Variants in KDM2B observed in about 807,000 individuals in gnomAD.
KDM2B encodes the protein lysine demethylase 2B.
In KDM2B, 26 loss-of-function variants were observed where a neutral mutation model predicts 150.0. The ratio of observed to expected loss-of-function variants is 0.17; its 90% CI spans 0.13 to 0.24. The LOEUF is 0.24. Ranked by LOEUF, KDM2B falls within the 10% of genes least tolerant of loss-of-function variation. The probability of loss-of-function intolerance (pLI) is 1.00; values close to 1 mark genes in which losing one functional copy is unlikely to be tolerated. For missense variants in KDM2B, 1,265 were observed against 1,816.9 expected, an observed-to-expected ratio of 0.70 and a Z score of 5.52; for synonymous variants, 734 against 729.5, an observed-to-expected ratio of 1.01 and a Z score of -0.10.
rs1566303434 is a variant in KDM2B, at chr12:121,467,698, T to TG, written c.1735-14355dup. The TG allele has an allele frequency of 1.3e-5, 2 of 150,956 alleles. No homozygotes were observed. Among genetic ancestry groups the TG allele is most frequent in the African/African-American group, 4.9e-5 (2 of 40,934 alleles). 9.4% of individuals were successfully genotyped at this position (150,956 alleles called of 1,614,324 possible). On this transcript the variant is annotated intron_variant, in intron 12 of 22. Coordinates refer to ENST00000377071, the MANE Select transcript of KDM2B (RefSeq NM_032590.5). The surrounding 1 kb of genome is among the most constrained non-coding windows in gnomAD (Gnocchi z 5.1). ...TGCAACAGGAAATGCGCGCCCGGCC[T>TG]GGGGTGGGGTCCTTTGTGTGGTCCC...
Position 121,520,867 on chromosome 12 carries a change from G to T in KDM2B, c.1047+118C>A. The T allele has an allele frequency of 1.5e-6, 1 of 657,238 alleles. No homozygotes were observed. The allele number at this position is 657,238 out of a possible 1,614,324, so 40.7% of individuals were successfully genotyped here. On this transcript the variant is annotated intron_variant, in intron 9 of 22. Coordinates refer to ENST00000377071, the MANE Select transcript of KDM2B (RefSeq NM_032590.5). The surrounding 1 kb of genome is among the most constrained non-coding windows in gnomAD (Gnocchi z 4.5). ...CCAGGACTGAAGCCAGCTTGAGAGA[G>T]GAATCGGGAGGGAGAGGGGAACTGT...
chr12:121,466,997 G>T (rs1221461920), intron 12 of KDM2B, among the ~76,000 whole-genome samples: 1 of 148,388 alleles, frequency 6.7e-6, no homozygotes, highest in African/African-American at 2.4e-5. Flanking sequence ...GCTCCTCTAC[G>T]CCCCGCTCGG....
chr12:121,489,808 C>A (rs1353953668), intron 12 of KDM2B, among the ~76,000 whole-genome samples: 1 of 152,144 alleles, frequency 6.6e-6, no homozygotes, highest in Non-Finnish European at 1.5e-5. Flanking sequence ...ACGTCAAGTG[C>A]GGGGGCCAGG....
the KDM2B span, among the ~76,000 whole-genome samples, chr12:121,413,119 C>A: frequency 5.5e-5 from 8 of 145,786 alleles, no homozygotes; most frequent in Non-Finnish European, 8.9e-5. Context: ...TCCGCCTCCC[C>A]GGTTCAAGCG....
Position 121,468,535 on chromosome 12 carries a change from AC to A in KDM2B, c.1735-15192del, listed in dbSNP as rs1394286507. ...TCCATCTATACAAGGGGAAGGATTT[AC>A]CAAGGGATGGATAACCTTCTGTAAA... On this transcript the variant is annotated intron_variant, in intron 12 of 22. Coordinates refer to ENST00000377071, the MANE Select transcript of KDM2B (RefSeq NM_032590.5). This position sits in a 1 kb window ranked among gnomAD's most constrained non-coding sequence, Gnocchi z 4.0. 3 of 152,264 alleles carry A rather than the reference AC, an allele frequency of 2.0e-5. No homozygotes were observed. The highest frequency in any genetic ancestry group is 4.4e-5 in the Non-Finnish European group (3 of 68,066). The allele number at this position is 152,264 out of a possible 1,614,324, so 9.4% of individuals were successfully genotyped here. A position where few individuals can be genotyped will look rare whatever the true frequency, so the allele number is the denominator to read the frequency against.
At chr12:121,516,538 A>G in intron 9 of KDM2B, 1 of 1,434,640 alleles carries the variant, frequency 7.0e-7, no homozygotes, top group Non-Finnish European at 9.1e-7. Flanking sequence ...CATTAAACAT[A>G]CGGTTGCTCA....
rs781889965 is a variant in KDM2B, at chr12:121,509,724, G to A, written c.1490C>T (p.Ser497Phe). 1 of 1,614,152 alleles carries A rather than the reference G, an allele frequency of 6.2e-7. No homozygotes were observed. Among genetic ancestry groups the A allele is most frequent in the Non-Finnish European group, 8.5e-7 (1 of 1,180,042 alleles). The change falls in exon 11 of 23, where the codon TCT becomes TTT. Residue 497 changes from serine (S) to phenylalanine (F), a missense_variant. Ser to Phe is a radical substitution (Grantham distance 155). This residue lies in a region of KDM2B where 154 missense variants were observed against 162.5 expected (regional missense o/e 0.95). Coordinates refer to ENST00000377071, the MANE Select transcript of KDM2B (RefSeq NM_032590.5). ...TTTGGCAGAGACCTCCGTGGCGGGA[G>A]AGCCGGTGGGGGTCTTGGGGTAGTC... The part of the protein sequence containing the change: ...AVDYPKTPTG[S>F]PATEVSAKWT...
chr12:121,459,320 T>A (rs1290389269), intron 12 of KDM2B, among the ~76,000 whole-genome samples: 1 of 152,092 alleles, frequency 6.6e-6, no homozygotes, highest in Admixed American at 6.6e-5. Context: ...CGAATAGCTA[T>A]CCACAAGCAA....
chr12:121,510,068 G>T, intron 10 of KDM2B, 29 bp from the exon 11 acceptor site: 1 of 1,510,038 alleles, frequency 6.6e-7, no homozygotes, highest in South Asian at 1.3e-5. Context: ...AAGAAAGACC[G>T]AGATGACACC....
At position 121,441,469 on chromosome 12, in the gene KDM2B, G is replaced by A. The variant is rs140612955; in HGVS notation, c.3285-236C>T. 8.0e-3 allele frequency among the ~76,000 whole-genome samples: 1,210 copies of A among 152,194 alleles called. 16 individuals are homozygous for A. Among genetic ancestry groups the A allele is most frequent in the African/African-American group, 0.025 (1,054 of 41,528 alleles). On this transcript the variant is annotated intron_variant, in intron 19 of 22. Transcript: ENST00000377071. The stretch of plus-strand genomic sequence containing the variant: ...TATGTATGTATTAAGACGGAGTCTC[G>A]CTCTGTTCCCAGGCTGGTGTGTAGT...
At chr12:121,493,152 C>T (rs1883545978) in intron 12 of KDM2B, among the ~76,000 whole-genome samples, 1 of 146,352 alleles carries the variant, frequency 6.8e-6, no homozygotes, top group African/African-American at 2.6e-5. Flanking sequence ...AGGTGATCCT[C>T]CCCCCTCAGC....
chr12:121,408,962 A>C, the KDM2B span, among the ~76,000 whole-genome samples: 34 of 151,712 alleles, frequency 2.2e-4, 1 homozygote, highest in East Asian at 4.4e-3. Flanking sequence ...ATTGTTAAAA[A>C]CTCAGGTGAC....
intron 4 of KDM2B, among the ~76,000 whole-genome samples, chr12:121,564,633 C>G (rs1351716763): frequency 6.6e-6 from 1 of 152,042 alleles, no homozygotes; most frequent in Admixed American, 6.6e-5. Flanking sequence ...AAAAACCCTA[C>G]AAATCAACGG....
At chr12:121,507,790 C>A (rs11065605) in intron 11 of KDM2B, among the ~76,000 whole-genome samples, 10,329 of 152,052 alleles carry the variant, frequency 0.068, 907 homozygotes, top group East Asian at 0.23. Context: ...GTGGGAGGAT[C>A]GCTTGAGCTC....
chr12:121,578,399 A>G lies in KDM2B; in HGVS notation c.271+403T>C, dbSNP rs1294127232. Among the ~76,000 whole-genome samples, 3 of 152,270 alleles carry G rather than the reference A, an allele frequency of 2.0e-5. No individual in the cohort carries two copies. In the East Asian group the frequency reaches 5.8e-4, roughly 29 times the overall value. On this transcript the variant is annotated intron_variant, in intron 2 of 22. Coordinates refer to ENST00000377071, the MANE Select transcript of KDM2B (RefSeq NM_032590.5). ...TTCGGGCCTGGGGGGCCTTACCCCG[A>G]TGCCCCAGGGGCGCCCTGAACCCAG...
At chr12:121,418,005 C>T in the KDM2B span, 1 of 1,314,768 alleles carries the variant, frequency 7.6e-7, no homozygotes, top group Non-Finnish European at 1.1e-6. Flanking sequence ...TTCTGATAAA[C>T]TTCAAGTCAT....
chr12:121,570,557 G>A (rs782412459), intron 4 of KDM2B, among the ~76,000 whole-genome samples: 11 of 152,200 alleles, frequency 7.2e-5, no homozygotes, highest in East Asian at 1.9e-4. Context: ...CACACTGGCC[G>A]GCTGCTTTCA....
At chr12:121,478,866 T>TTGTTTGTTTTTGTGTGTGTG (rs61509046) in intron 12 of KDM2B, among the ~76,000 whole-genome samples, 1 of 131,132 alleles carries the variant, frequency 7.6e-6, no homozygotes, top group East Asian at 2.4e-4. Context: ...TTTTGTTTGT[T>TTGTTTGTTTTTGTGTGTGTG]TGTGTGTGTG....
intron 12 of KDM2B, among the ~76,000 whole-genome samples, chr12:121,474,769 C>T (rs537740440): frequency 2.6e-5 from 4 of 152,178 alleles, no homozygotes; most frequent in African/African-American, 4.8e-5. Flanking sequence ...CCTGGCAACA[C>T]GGCAAAACCC....
Sources: allele counts gnomAD v4.1 joint callset (sites outside exome capture counted in the v4.1 genomes callset), GRCh38; gene constraint gnomAD v4.1.1; regional missense constraint gnomAD v4.1.1; non-coding constraint Gnocchi (gnomAD v3.1); transcripts MANE v1.5; gene names NCBI Gene and HGNC (gene_info 2026-07-23, HGNC 2026-07-21).